Variants in COL28A1 observed in about 807,000 individuals in gnomAD.
COL28A1 encodes the protein collagen alpha-1(XXVIII) chain.
A neutral mutation model predicts 150.2 loss-of-function variants in COL28A1; 161 were observed. The ratio of observed to expected loss-of-function variants is 1.07; its 90% CI spans 0.94 to 1.22. The LOEUF (loss-of-function observed/expected upper bound fraction) is 1.22, where lower values mean the gene tolerates loss of function less well. Ranked by LOEUF, COL28A1 falls within the 50% of genes most tolerant of loss-of-function variation. The pLI is 0.00. For synonymous variants in COL28A1, 552 were observed against 469.7 expected (o/e 1.18, Z -2.26); for missense variants, 1,617 against 1,388.3 (o/e 1.16, Z -2.62).
At chr7:7,385,152 G>A (rs1002735057) in intron 27 of COL28A1, among the ~76,000 whole-genome samples, 3 of 152,186 alleles carry the variant, frequency 2.0e-5, no homozygotes, top group Non-Finnish European at 4.4e-5. Flanking sequence ...GTATAGGAAC[G>A]ATATCTCTTA....
intron 23 of COL28A1, among the ~76,000 whole-genome samples, chr7:7,434,763 C>G (rs1785222107): frequency 6.6e-6 from 1 of 152,142 alleles, no homozygotes; most frequent in Non-Finnish European, 1.5e-5. Context: ...TTTTGGACTC[C>G]TTACCATATT....
chr7:7,353,333 C>G (rs1307454904), downstream of COL28A1, among the ~76,000 whole-genome samples: 2 of 152,196 alleles, frequency 1.3e-5, no homozygotes, highest in Non-Finnish European at 2.9e-5. Flanking sequence ...GCTTCACTCT[C>G]TTTTTCTCTT....
chr7:7,504,496 T>G (rs1002014401), intron 11 of COL28A1, among the ~76,000 whole-genome samples: 9 of 152,008 alleles, frequency 5.9e-5, no homozygotes, highest in African/African-American at 1.7e-4. Context: ...CAACATCCTA[T>G]CTCTAAAAAA....
chr7:7,484,942 A>G (rs1369576622), intron 13 of COL28A1, among the ~76,000 whole-genome samples: 3 of 152,116 alleles, frequency 2.0e-5, no homozygotes, highest in Non-Finnish European at 4.4e-5. Flanking sequence ...CAAGGACACA[A>G]AGAAGGGAAC....
the COL28A1 span, among the ~76,000 whole-genome samples, chr7:7,541,313 A>AT: frequency 3.2e-3 from 482 of 150,472 alleles, 6 homozygotes; most frequent in African/African-American, 0.011. Context: ...CTTGAGGTGA[A>AT]TTTTTTTTTT....
intron 2 of COL28A1, among the ~76,000 whole-genome samples, chr7:7,532,308 A>T (rs1248563905): frequency 6.6e-6 from 1 of 151,852 alleles, no homozygotes; most frequent in Non-Finnish European, 1.5e-5. Context: ...TTTTTTTTAA[A>T]CTTTCTTGAA....
rs754478910 is a variant in COL28A1, at chr7:7,531,872, C to G, written c.157G>C (p.Val53Leu). The G allele has an allele frequency of 3.7e-6, 6 of 1,607,742 alleles. No individual in the cohort carries two copies. Among genetic ancestry groups the G allele is most frequent in the Non-Finnish European group, 5.1e-6 (6 of 1,174,480 alleles). Residue 53 changes from valine (V) to leucine (L), a missense_variant, in exon 3 of 35, where the codon GTG becomes CTG. By Grantham distance (32) the Val-to-Leu change is conservative. Coordinates refer to ENST00000399429, the MANE Select transcript of COL28A1 (RefSeq NM_001037763.3). The part of the protein sequence containing the change: ...SICFIDIVFI[V>L]DSSESSKIAL... The stretch of plus-strand genomic sequence containing the variant: ...ATTTTAGAACTTTCAGAGCTGTCCA[C>G]GATGAAGACAATATCTATGAAACAA...
At chr7:7,369,304 C>G (rs895160925) in intron 33 of COL28A1, among the ~76,000 whole-genome samples, 1 of 152,196 alleles carries the variant, frequency 6.6e-6, no homozygotes, top group African/African-American at 2.4e-5. Flanking sequence ...GTTGGCAAAC[C>G]ACTGTGGGCC....
chr7:7,372,435 AAATAAAT>A (rs1343270907), intron 32 of COL28A1, among the ~76,000 whole-genome samples: 2,134 of 151,240 alleles, frequency 0.014, 52 homozygotes, highest in African/African-American at 0.049. Context: ...ATAAATAAAT[AAATAAAT>A]GGTTGTTCTT....
intron 6 of COL28A1, among the ~76,000 whole-genome samples, chr7:7,519,671 T>C (rs1200391685): frequency 6.6e-6 from 1 of 152,172 alleles, no homozygotes; most frequent in Non-Finnish European, 1.5e-5. Context: ...TTTTCTATGA[T>C]TATTGTCAGT....
chr7:7,440,894 G>A (rs139952578), intron 20 of COL28A1, 33 bp from the exon 21 acceptor site: 80 of 1,078,608 alleles, frequency 7.4e-5, no homozygotes, highest in African/African-American at 4.5e-4. Context: ...ATAGATTTTC[G>A]TATGGTATTA....
chr7:7,500,865 T>C (rs1562845313), intron 11 of COL28A1, among the ~76,000 whole-genome samples: 3 of 152,148 alleles, frequency 2.0e-5, no homozygotes, highest in Admixed American at 6.5e-5. Context: ...AAGTAGGGTA[T>C]CCAAAAACTG....
At chr7:7,346,783 G>C in the COL28A1 span, among the ~76,000 whole-genome samples, 1 of 152,008 alleles carries the variant, frequency 6.6e-6, no homozygotes, top group African/African-American at 2.4e-5. Flanking sequence ...TAGGAAAAGG[G>C]CTTAAGAAAG....
At chr7:7,439,798 C>G (rs60314248) in intron 21 of COL28A1, among the ~76,000 whole-genome samples, 16,343 of 152,242 alleles carry the variant, frequency 0.11, 1,031 homozygotes, top group Middle Eastern at 0.22. Flanking sequence ...GGCTCACTCA[C>G]CACTGAATCC....
chr7:7,458,192 G>T (rs148942459), intron 15 of COL28A1, among the ~76,000 whole-genome samples: 1 of 152,148 alleles, frequency 6.6e-6, no homozygotes, highest in Non-Finnish European at 1.5e-5. Context: ...AGAGGTGGGC[G>T]GATCCCCTGA....
chr7:7,437,645 A>T (rs2128317694), intron 21 of COL28A1, among the ~76,000 whole-genome samples, 183 bp from the exon 22 acceptor site: 1 of 152,350 alleles, frequency 6.6e-6, no homozygotes, highest in Non-Finnish European at 1.5e-5. Context: ...TTGACTAGTA[A>T]GATTTCAGTG....
At chr7:7,417,684 G>A (rs1784179674) in intron 27 of COL28A1, 175 bp downstream of exon 27, 1 of 657,370 alleles carries the variant, frequency 1.5e-6, no homozygotes, top group Non-Finnish European at 2.7e-6. Context: ...CTGAAGTATT[G>A]TACTCATACC....
chr7:7,520,122 G>T lies in COL28A1; in HGVS notation c.760-7C>A. Reference sequence around the variant, plus strand: ...CTGGATTTCCATGTGTACCCTGAAGGCAAAGGGAAAAAATATTATTTTAAG... The same window carrying T: ...CTGGATTTCCATGTGTACCCTGAAGTCAAAGGGAAAAAATATTATTTTAAG... On this transcript the variant is annotated splice_region_variant and splice_polypyrimidine_tract_variant and intron_variant, in intron 5 of 34. Transcript: ENST00000399429. 1.6e-6 allele frequency: 2 copies of T among 1,222,574 alleles called. No individual in the cohort carries two copies. Among genetic ancestry groups the T allele is most frequent in the Non-Finnish European group, 2.4e-6 (2 of 827,188 alleles). The allele number at this position is 1,222,574 out of a possible 1,614,324, so 75.7% of individuals were successfully genotyped here. A position where few individuals can be genotyped will look rare whatever the true frequency, so the allele number is the denominator to read the frequency against.
At chr7:7,500,129 A>T (rs935928745) in intron 11 of COL28A1, among the ~76,000 whole-genome samples, 1 of 152,176 alleles carries the variant, frequency 6.6e-6, no homozygotes, top group Non-Finnish European at 1.5e-5. Context: ...CGACTGTTAC[A>T]TCCTTCTCTC....
Sources: allele counts gnomAD v4.1 joint callset (sites outside exome capture counted in the v4.1 genomes callset), GRCh38; gene constraint gnomAD v4.1.1; transcripts MANE v1.5; gene names NCBI Gene and HGNC (gene_info 2026-07-23, HGNC 2026-07-21).